The following CNTLN variants were observed in gnomAD, a reference collection of about 807,000 sequenced individuals.
The protein encoded by CNTLN is centlein, centrosomal protein.
A neutral mutation model predicts 180.0 loss-of-function variants in CNTLN; 212 were observed. The observed-to-expected ratio is 1.18, with a 90% CI of 1.05 to 1.32. The LOEUF is 1.32. Ranked by LOEUF, CNTLN falls within the 40% of genes most tolerant of loss-of-function variation. The pLI, the probability that CNTLN is intolerant of heterozygous loss-of-function variation, is 0.00. For synonymous variants in CNTLN, 722 were observed against 563.1 expected, an observed-to-expected ratio of 1.28 and a Z score of -3.99; for missense variants, 2,095 against 1,610.9, an observed-to-expected ratio of 1.30 and a Z score of -5.14.
chr9:17,428,698 C>T (rs1361208035), intron 18 of CNTLN, among the ~76,000 whole-genome samples: 1 of 151,944 alleles, frequency 6.6e-6, no homozygotes, highest in East Asian at 1.9e-4. Context: ...ATGTTTATTT[C>T]ACTAGTATGT....
At chr9:17,139,292 T>C (rs1310453230) in intron 1 of CNTLN, among the ~76,000 whole-genome samples, 1 of 151,948 alleles carries the variant, frequency 6.6e-6, no homozygotes, top group African/African-American at 2.4e-5. Context: ...TTCACCGTGT[T>C]GGTCAGGCTG....
At chr9:17,508,943 T>C in the CNTLN span, among the ~76,000 whole-genome samples, 2 of 152,180 alleles carry the variant, frequency 1.3e-5, no homozygotes, top group African/African-American at 4.8e-5. Flanking sequence ...AATGAGCAAA[T>C]AATGTGAAGA....
intron 18 of CNTLN, among the ~76,000 whole-genome samples, chr9:17,454,346 C>T (rs1286473128): frequency 2.0e-5 from 3 of 152,052 alleles, no homozygotes; most frequent in Admixed American, 6.6e-5. Flanking sequence ...TTATTGAAGT[C>T]AACTTTTAAA....
Position 17,499,534 on chromosome 9 carries a change from G to A in CNTLN, c.4120-3017G>A, listed in dbSNP as rs564621547. ...GTTATTTTTAAAACCAAAGTTGTTA[G>A]TGCATTCATTATTTGAATACATATT... On this transcript the variant is annotated intron_variant, in intron 25 of 25. Transcript: ENST00000380647. Among the ~76,000 whole-genome samples, 3 of 152,126 alleles carry A rather than the reference G, an allele frequency of 2.0e-5. No individual in the cohort carries two copies. The South Asian group carries it at 6.2e-4, about 32-fold the overall frequency.
chr9:17,366,547 A>C lies in CNTLN; in HGVS notation c.1887-70A>C, dbSNP rs886357649. ...TGATATATTATTTAGAAATATATTT[A>C]AATGTATATGTTTGATTTTTTTAAA... On this transcript the variant is annotated intron_variant, in intron 12 of 25. Transcript: ENST00000380647. 7.5e-6 allele frequency: 5 copies of C among 666,502 alleles called. No individual in the cohort carries two copies. The South Asian group carries it at 9.5e-5, about 13-fold the overall frequency. The allele number at this position is 666,502 out of a possible 1,614,324, so 41.3% of individuals were successfully genotyped here.
chr9:17,378,397 T>A (rs1375431872), intron 13 of CNTLN, among the ~76,000 whole-genome samples: 2 of 152,188 alleles, frequency 1.3e-5, no homozygotes, highest in Admixed American at 1.3e-4. Context: ...GCCAGGATGG[T>A]CTCGATCTCC....
chr9:17,329,370 G>C (rs528685065), intron 8 of CNTLN, among the ~76,000 whole-genome samples: 2 of 152,108 alleles, frequency 1.3e-5, no homozygotes, highest in African/African-American at 4.8e-5. Flanking sequence ...CGATTAAAAT[G>C]GGGATAAAAG....
At chr9:17,149,684 A>T (rs977230219) in intron 2 of CNTLN, among the ~76,000 whole-genome samples, 5 of 151,298 alleles carry the variant, frequency 3.3e-5, no homozygotes, top group African/African-American at 1.2e-4. Context: ...TGCCTGGCTA[A>T]TTTTTTGTAT....
chr9:17,340,682 C>T (rs1650433056), intron 10 of CNTLN, 145 bp from the exon 11 acceptor site: 1 of 549,306 alleles, frequency 1.8e-6, no homozygotes, highest in Non-Finnish European at 2.8e-6. Context: ...ATTCTTTTTT[C>T]TGCTTAAATA....
intron 5 of CNTLN, among the ~76,000 whole-genome samples, chr9:17,248,609 T>TA (rs894458603): frequency 6.7e-5 from 10 of 148,886 alleles, no homozygotes; most frequent in Admixed American, 6.0e-4. Context: ...TGTGTCACTA[T>TA]AAAAAATCAA....
At chr9:17,349,024 G>C (rs1371769489) in intron 12 of CNTLN, among the ~76,000 whole-genome samples, 1 of 152,084 alleles carries the variant, frequency 6.6e-6, no homozygotes, top group African/African-American at 2.4e-5. Flanking sequence ...GCACTTCTAG[G>C]TGGTGAGTTT....
intron 2 of CNTLN, among the ~76,000 whole-genome samples, chr9:17,212,490 C>T (rs1231540852): frequency 2.0e-5 from 3 of 152,192 alleles, no homozygotes; most frequent in South Asian, 2.1e-4. Flanking sequence ...TGTGGATGCT[C>T]ATCAGGGATA....
chr9:17,423,926 T>C (rs1469893168), intron 18 of CNTLN, among the ~76,000 whole-genome samples: 1 of 152,122 alleles, frequency 6.6e-6, no homozygotes, highest in African/African-American at 2.4e-5. Context: ...TTTTCTACCC[T>C]CTTCAGTGCC....
intron 13 of CNTLN, among the ~76,000 whole-genome samples, chr9:17,378,916 A>G (rs1442279272): frequency 6.6e-6 from 1 of 152,158 alleles, no homozygotes; most frequent in Non-Finnish European, 1.5e-5. Flanking sequence ...TTCTGCCTGA[A>G]GGACTTCTTT....
At chr9:17,200,892 G>A (rs1822477009) in intron 2 of CNTLN, among the ~76,000 whole-genome samples, 4 of 152,158 alleles carry the variant, frequency 2.6e-5, no homozygotes. Context: ...GTGAGAGAAG[G>A]CATCCTTGTT....
intron 2 of CNTLN, among the ~76,000 whole-genome samples, chr9:17,214,568 G>A (rs554776671): frequency 2.4e-4 from 36 of 152,204 alleles, no homozygotes; most frequent in African/African-American, 4.6e-4. Context: ...TCTTTGTGGC[G>A]TTCTCTGTAT....
chr9:17,494,949 G>A (rs2499058), intron 25 of CNTLN: 176,029 of 434,262 alleles, frequency 0.41, 36,485 homozygotes, highest in South Asian at 0.53. Context: ...TGGCGCAATC[G>A]TGGCTCACCA....
At chr9:17,219,573 A>G (rs78165557) in intron 2 of CNTLN, among the ~76,000 whole-genome samples, 8,318 of 152,008 alleles carry the variant, frequency 0.055, 263 homozygotes, top group East Asian at 0.18. Flanking sequence ...CCATTCAGGT[A>G]TATTTTTGAA....
chr9:17,317,288 G>T (rs1296304127), intron 8 of CNTLN, among the ~76,000 whole-genome samples: 2 of 152,026 alleles, frequency 1.3e-5, no homozygotes, highest in Non-Finnish European at 2.9e-5. Flanking sequence ...TTAAATAATG[G>T]CTCTCATGTT....
Sources: allele counts gnomAD v4.1 joint callset (sites outside exome capture counted in the v4.1 genomes callset), GRCh38; gene constraint gnomAD v4.1.1; transcripts MANE v1.5; gene names NCBI Gene and HGNC (gene_info 2026-07-23, HGNC 2026-07-21).